CYRIB: variants seen among roughly 807,000 people sequenced by gnomAD.
The protein encoded by CYRIB is CYFIP related Rac1 interactor B.
A neutral mutation model predicts 44.2 loss-of-function variants in CYRIB; 8 were observed. That is an observed-to-expected ratio of 0.18 (90% confidence interval 0.11 to 0.33). The LOEUF (loss-of-function observed/expected upper bound fraction) is 0.33, where lower values mean the gene tolerates loss of function less well. CYRIB is among the 10% of genes least tolerant of loss of function. The pLI is 1.00. For synonymous variants in CYRIB, 131 were observed against 127.2 expected, an observed-to-expected ratio of 1.03 and a Z score of -0.20; for missense variants, 185 against 382.8, an observed-to-expected ratio of 0.48 and a Z score of 4.31.
In CYRIB at chr8:130,005,840, T is replaced by G. The variant is rs1218257703; in HGVS notation, c.-296+10530A>C. On this transcript the variant is annotated intron_variant, in intron 1 of 14. Coordinates refer to the CYRIB transcript ENST00000401979. ...AAAAAAAAAAAAAAAATGTAAAGGC[T>G]GGAAAAGATGGGACTAGGTGATCTC... Among the ~76,000 whole-genome samples, 6 of 147,516 alleles carry G rather than the reference T, an allele frequency of 4.1e-5. No homozygotes were observed. In the East Asian group the frequency reaches 9.8e-4, roughly 24 times the overall value.
chr8:129,907,084 G>A (rs2075793193), intron 1 of CYRIB, among the ~76,000 whole-genome samples: 1 of 152,300 alleles, frequency 6.6e-6, no homozygotes, highest in South Asian at 2.1e-4. Flanking sequence ...ATTTGACCCA[G>A]CCATCCCATT....
chr8:129,998,913 T>C (rs1401389867), intron 1 of CYRIB, among the ~76,000 whole-genome samples: 3 of 152,156 alleles, frequency 2.0e-5, no homozygotes, highest in African/African-American at 4.8e-5. Context: ...CTCCTTCTTC[T>C]TTTTTTGAAA....
chr8:129,994,231 C>T (rs918378316), intron 1 of CYRIB, among the ~76,000 whole-genome samples: 1 of 151,992 alleles, frequency 6.6e-6, no homozygotes, highest in African/African-American at 2.4e-5. Context: ...CACCTGCAAG[C>T]CAAGGTACGC....
intron 2 of CYRIB, among the ~76,000 whole-genome samples, chr8:129,964,983 T>C (rs1045573313): frequency 3.3e-5 from 5 of 152,204 alleles, no homozygotes; most frequent in Middle Eastern, 3.2e-3. Flanking sequence ...GTTATGGATG[T>C]GTGAGGACAC....
Position 129,997,703 on chromosome 8 carries a change from C to T in CYRIB, c.-296+18667G>A, listed in dbSNP as rs368343387. Among the ~76,000 whole-genome samples, 14 of 152,278 alleles carry T rather than the reference C, an allele frequency of 9.2e-5. No individual in the cohort carries two copies. The East Asian group carries it at 2.7e-3, about 29-fold the overall frequency. On this transcript the variant is annotated intron_variant, in intron 1 of 14. Coordinates refer to the CYRIB transcript ENST00000401979. The stretch of plus-strand genomic sequence containing the variant: ...GCAGCTAATGTGGGTTCCCCTCCCC[C>T]TCCTGCCACTAGGTTGTCACATAGC...
chr8:129,999,165 G>C (rs2096851426), intron 1 of CYRIB, among the ~76,000 whole-genome samples: 1 of 152,176 alleles, frequency 6.6e-6, no homozygotes, highest in African/African-American at 2.4e-5. Context: ...GAGGAGCAGG[G>C]ACAGAGTAGA....
chr8:129,854,674 T>G (rs781696443), intron 6 of CYRIB, among the ~76,000 whole-genome samples: 12 of 152,246 alleles, frequency 7.9e-5, no homozygotes, highest in Non-Finnish European at 1.2e-4. Flanking sequence ...TATGTAGGTA[T>G]GGTCAACAGA....
rs149240593 is a variant in CYRIB at position 130,007,326 on chromosome 8, A to T, written c.-296+9044T>A. Among the ~76,000 whole-genome samples the T allele has an allele frequency of 2.2e-3, 342 of 152,312 alleles. 2 individuals carry two copies. The South Asian group carries it at 0.025, about 11-fold the overall frequency. On this transcript the variant is annotated intron_variant, in intron 1 of 14. Coordinates refer to the CYRIB transcript ENST00000401979. ...GTTACGTTTGAGGTTCACCCAAAGG[A>T]GGTAGTAAAAACAGGAGGTGGGCAC... is the stretch of plus-strand genomic sequence containing the variant.
rs148801507 is a variant in CYRIB, at chr8:129,958,007, A to C, written c.-243+12936T>G. 9.6e-3 allele frequency among the ~76,000 whole-genome samples: 1,449 copies of C among 151,714 alleles called. 30 individuals are homozygous for C. Among genetic ancestry groups the C allele is most frequent in the African/African-American group, 0.033 (1,379 of 41,314 alleles). On this transcript the variant is annotated intron_variant, in intron 2 of 14. Transcript: ENST00000401979. ...TACAAAAAATACAAAAAATTAGCCA[A>C]GCTAATTAGCCAAGTGGCACACGCC...
intron 2 of CYRIB, among the ~76,000 whole-genome samples, chr8:129,945,606 C>T (rs1028170785): frequency 3.2e-4 from 48 of 152,080 alleles, no homozygotes; most frequent in African/African-American, 1.1e-3. Flanking sequence ...CTTGCTCTGT[C>T]GCCCCAGGCT....
chr8:129,982,995 C>T (rs544079166), intron 1 of CYRIB, among the ~76,000 whole-genome samples: 86 of 143,470 alleles, frequency 6.0e-4, no homozygotes, highest in African/African-American at 2.3e-3. Context: ...CCAATTATAC[C>T]TTAGTAGAGC....
chr8:129,875,360 T>C (rs2058755372), intron 3 of CYRIB, among the ~76,000 whole-genome samples: 1 of 151,860 alleles, frequency 6.6e-6, no homozygotes, highest in South Asian at 2.1e-4. Context: ...CACACATCAC[T>C]ATTCCCAGCT....
At chr8:130,006,801 A>G (rs1212685079) in intron 1 of CYRIB, among the ~76,000 whole-genome samples, 1 of 150,114 alleles carries the variant, frequency 6.7e-6, no homozygotes, top group African/African-American at 2.5e-5. Context: ...GCAAGGTCAC[A>G]TATAGAAAAT....
chr8:129,930,144 G>T, intron 1 of CYRIB, among the ~76,000 whole-genome samples: 1 of 151,530 alleles, frequency 6.6e-6, no homozygotes. Flanking sequence ...CCGGGAGGCG[G>T]AGCTTGCAGT....
intron 1 of CYRIB, among the ~76,000 whole-genome samples, chr8:129,986,819 C>T (rs1164194558): frequency 6.6e-6 from 1 of 152,150 alleles, no homozygotes; most frequent in Non-Finnish European, 1.5e-5. Context: ...GGACAAGACA[C>T]CAGGCAAAAG....
At position 129,869,886 on chromosome 8, in the gene CYRIB, T is replaced by TC. The variant is rs772284991; in HGVS notation, c.195+1488dup. On this transcript the variant is annotated intron_variant, in intron 4 of 11. Transcript: ENST00000519824. ...AAACACTCAATAGTAATGTTTTACC[T>TC]CCCCCCCGCCCAAAAAAAGGAATGG... Among the ~76,000 whole-genome samples the TC allele has an allele frequency of 1.2e-3, 175 of 145,022 alleles. 2 individuals are homozygous for TC. Among genetic ancestry groups the TC allele is most frequent in the African/African-American group, 4.2e-3 (162 of 38,678 alleles).
At chr8:129,976,468 A>T (rs1404349627) in intron 1 of CYRIB, among the ~76,000 whole-genome samples, 1 of 152,252 alleles carries the variant, frequency 6.6e-6, no homozygotes, top group African/African-American at 2.4e-5. Context: ...AAAAATTATT[A>T]CGGCAATGTT....
At chr8:129,948,087 A>C (rs927932860) in intron 2 of CYRIB, 2 of 152,086 alleles carry the variant, frequency 1.3e-5, no homozygotes, top group Non-Finnish European at 2.9e-5. Context: ...CACCACCTGG[A>C]GTTATTAGAG....
At chr8:129,952,557 TTC>T (rs2094562260) in intron 2 of CYRIB, among the ~76,000 whole-genome samples, 1 of 152,178 alleles carries the variant, frequency 6.6e-6, no homozygotes. Flanking sequence ...TGAAATAATA[TTC>T]TTTTTCATTT....
Sources: gnomAD v4.1 joint callset for allele counts (sites outside exome capture counted in the v4.1 genomes callset) on GRCh38, gnomAD v4.1.1 for gene constraint, MANE v1.5 for transcripts, NCBI Gene and HGNC (gene_info 2026-07-23, HGNC 2026-07-21) for gene names.